Variants in NOS1AP observed in about 807,000 individuals in gnomAD.
NOS1AP encodes nitric oxide synthase 1 adaptor protein.
A neutral mutation model predicts 56.2 loss-of-function variants in NOS1AP; 21 were observed. The observed-to-expected ratio is 0.37, with a 90% confidence interval of 0.26 to 0.54. The LOEUF is 0.54. Ranked by LOEUF, NOS1AP falls within the 20% of genes least tolerant of loss-of-function variation. NOS1AP has a pLI of 0.84. For missense variants in NOS1AP, 522 were observed against 657.8 expected (o/e 0.79, Z 2.26); for synonymous variants, 270 against 274.6 (o/e 0.98, Z 0.17).
chr1:162,357,507 T>G (rs1657742448), intron 8 of NOS1AP, among the ~76,000 whole-genome samples: 1 of 152,188 alleles, frequency 6.6e-6, no homozygotes, highest in Admixed American at 6.5e-5. Flanking sequence ...TCAGAACAGT[T>G]GTGGCTTTAT....
At chr1:162,214,424 G>A (rs1399521784) in intron 2 of NOS1AP, among the ~76,000 whole-genome samples, 1 of 152,208 alleles carries the variant, frequency 6.6e-6, no homozygotes, top group South Asian at 2.1e-4. Context: ...AGGAAAGGGG[G>A]AAGTGAGTAT....
At chr1:162,172,189 A>T (rs1650821130) in intron 2 of NOS1AP, among the ~76,000 whole-genome samples, 1 of 152,240 alleles carries the variant, frequency 6.6e-6, no homozygotes, top group Non-Finnish European at 1.5e-5. Flanking sequence ...GGAGAGGGAC[A>T]AGAGGAGACC....
intron 1 of NOS1AP, among the ~76,000 whole-genome samples, chr1:162,076,575 G>GA (rs1691773736): frequency 6.6e-6 from 1 of 152,170 alleles, no homozygotes; most frequent in African/African-American, 2.4e-5. Context: ...ACATTAAAAA[G>GA]AAACACTAGG....
At chr1:162,121,177 G>GTT (rs1162624107) in intron 1 of NOS1AP, among the ~76,000 whole-genome samples, 1 of 86,514 alleles carries the variant, frequency 1.2e-5, no homozygotes. Context: ...TTTGTTTTTT[G>GTT]TTTTTTTTTT....
chr1:162,289,252 CCTTCCTTCCTTCCTTCCTTCCTTCCT>C (rs1557864841), intron 3 of NOS1AP, among the ~76,000 whole-genome samples: 9 of 86,920 alleles, frequency 1.0e-4, no homozygotes, highest in Admixed American at 9.0e-4. Context: ...TTCCTTCCTT[CCTTCCTTCCTTCCTTCCTTCCTTCCT>C]TTCCTTCCTT....
chr1:162,307,269 G>C (rs1655865334), intron 4 of NOS1AP, among the ~76,000 whole-genome samples: 1 of 152,170 alleles, frequency 6.6e-6, no homozygotes, highest in South Asian at 2.1e-4. Flanking sequence ...TAACATGTTT[G>C]ACTAAATTAG....
chr1:162,365,734 A>G (rs369759184), intron 9 of NOS1AP, among the ~76,000 whole-genome samples, 165 bp downstream of exon 9: 61 of 152,202 alleles, frequency 4.0e-4, no homozygotes, highest in African/African-American at 1.4e-3. Flanking sequence ...TTAATGAATT[A>G]CAGAATCACA....
At chr1:162,249,856 G>C (rs1028154173) in intron 2 of NOS1AP, among the ~76,000 whole-genome samples, 1 of 152,180 alleles carries the variant, frequency 6.6e-6, no homozygotes, top group Non-Finnish European at 1.5e-5. Flanking sequence ...GGCACGAGAG[G>C]GGGATTTGAC....
rs145140073 is a variant in NOS1AP at position 162,234,939 on chromosome 1, A to G, written c.178-52405A>G. 2.7e-3 allele frequency among the ~76,000 whole-genome samples: 414 copies of G among 152,022 alleles called. 1 individual carries two copies. Among genetic ancestry groups the G allele is most frequent in the African/African-American group, 9.6e-3 (399 of 41,460 alleles). ...GAGGCAGAACCCTACTCTGATTCCA[A>G]CCCCTCGCTGGTTGTTTTATGCCCT... On this transcript the variant is annotated intron_variant, in intron 2 of 9. Coordinates refer to ENST00000361897, the MANE Select transcript of NOS1AP (RefSeq NM_014697.3).
At chr1:162,072,665 A>T (rs1406702945) in intron 1 of NOS1AP, among the ~76,000 whole-genome samples, 1 of 152,218 alleles carries the variant, frequency 6.6e-6, no homozygotes, top group East Asian at 1.9e-4. Context: ...TAACTCCCAG[A>T]TCTTTGTAAT....
At chr1:162,305,035 T>C (rs1370401529) in intron 4 of NOS1AP, among the ~76,000 whole-genome samples, 2 of 152,200 alleles carry the variant, frequency 1.3e-5, no homozygotes, top group Non-Finnish European at 2.9e-5. Context: ...TTTAGACGAA[T>C]GAATTTTTAA....
In NOS1AP at chr1:162,271,111, A is replaced by G. The variant is rs144787064; in HGVS notation, c.178-16233A>G. On this transcript the variant is annotated intron_variant, in intron 2 of 9. Coordinates refer to ENST00000361897, the MANE Select transcript of NOS1AP (RefSeq NM_014697.3). The stretch of plus-strand genomic sequence containing the variant: ...GTTTGTGATCAGTACCTGTTATATA[A>G]TGTTTCAGGAAGGCTTAAATGGTCG... 6.9e-3 allele frequency among the ~76,000 whole-genome samples: 1,053 copies of G among 152,214 alleles called. 8 individuals are homozygous for G. Among genetic ancestry groups the G allele is most frequent in the Non-Finnish European group, 0.012 (843 of 68,014 alleles).
intron 1 of NOS1AP, among the ~76,000 whole-genome samples, chr1:162,145,354 C>T (rs2025285734): frequency 6.6e-6 from 1 of 152,074 alleles, no homozygotes; most frequent in South Asian, 2.1e-4. Context: ...GTCCCTATCC[C>T]CACGTCCCTT....
intron 8 of NOS1AP, among the ~76,000 whole-genome samples, chr1:162,359,390 C>A (rs1440750377): frequency 6.6e-6 from 1 of 152,170 alleles, no homozygotes; most frequent in African/African-American, 2.4e-5. Context: ...TCTGCCATGC[C>A]CATCTGTCTC....
chr1:162,329,660 A>C (rs1277805782), intron 4 of NOS1AP, among the ~76,000 whole-genome samples: 1 of 152,166 alleles, frequency 6.6e-6, no homozygotes, highest in African/African-American at 2.4e-5. Flanking sequence ...CCACAATCAC[A>C]GTGCTTAAGA....
chr1:162,242,975 C>T (rs6658646), intron 2 of NOS1AP, among the ~76,000 whole-genome samples: 20,170 of 144,126 alleles, frequency 0.14, 1,634 homozygotes, highest in South Asian at 0.24. Context: ...TGAGCTCCTC[C>T]CCTATATACG....
chr1:162,252,908 A>C (rs1462158105), intron 2 of NOS1AP, among the ~76,000 whole-genome samples: 1 of 152,198 alleles, frequency 6.6e-6, no homozygotes, highest in African/African-American at 2.4e-5. Context: ...CAGGTATAGA[A>C]TATTTCCATT....
chr1:162,108,716 TA>T (rs544311072), intron 1 of NOS1AP, among the ~76,000 whole-genome samples: 8 of 150,228 alleles, frequency 5.3e-5, no homozygotes, highest in Admixed American at 2.0e-4. Flanking sequence ...TAACAAACAT[TA>T]AAAAAAAAGG....
intron 1 of NOS1AP, among the ~76,000 whole-genome samples, chr1:162,142,641 C>A (rs747072657): frequency 1.8e-4 from 27 of 152,072 alleles, no homozygotes; most frequent in Non-Finnish European, 1.6e-4. Flanking sequence ...TTGTTAAAGG[C>A]GAAAGCATGT....
Sources: gnomAD v4.1 joint callset for allele counts (sites outside exome capture counted in the v4.1 genomes callset) on GRCh38, gnomAD v4.1.1 for gene constraint, MANE v1.5 for transcripts, NCBI Gene and HGNC (gene_info 2026-07-23, HGNC 2026-07-21) for gene names.